PIGU: variants seen among roughly 807,000 people sequenced by gnomAD.
PIGU encodes the protein phosphatidylinositol glycan anchor biosynthesis class U.
PIGU carries 24 observed loss-of-function variants against 49.9 expected under a neutral mutation model. The ratio of observed to expected loss-of-function variants is 0.48; its 90% CI spans 0.35 to 0.68. The LOEUF is 0.68. Among genes scored for constraint, PIGU ranks in the 30% least tolerant of loss-of-function variants. PIGU has a pLI of 0.01. For synonymous variants in PIGU, 220 were observed against 205.7 expected (o/e 1.07, Z -0.59); for missense variants, 490 against 532.6 (o/e 0.92, Z 0.79).
At chr20:34,588,634 C>T in intron 7 of PIGU, 27 bp from the exon 8 acceptor site, 1 of 1,601,670 alleles carries the variant, frequency 6.2e-7, no homozygotes, top group South Asian at 1.1e-5. Flanking sequence ...GTGATATAAA[C>T]TTAGGGATGT....
At chr20:34,583,203 A>G (rs1041616548) in intron 9 of PIGU, among the ~76,000 whole-genome samples, 1 of 152,262 alleles carries the variant, frequency 6.6e-6, no homozygotes, top group South Asian at 2.1e-4. Flanking sequence ...GCCTCTAAGA[A>G]GCGTCCAGCT....
chr20:34,608,415 G>A (rs1984695494), intron 7 of PIGU, among the ~76,000 whole-genome samples: 1 of 152,172 alleles, frequency 6.6e-6, no homozygotes, highest in African/African-American at 2.4e-5. Flanking sequence ...ATTACTTGTT[G>A]TCATTCTTTT....
chr20:34,650,425 C>CA (rs1447308801), intron 2 of PIGU, among the ~76,000 whole-genome samples: 1 of 151,630 alleles, frequency 6.6e-6, no homozygotes, highest in Non-Finnish European at 1.5e-5. Context: ...CACACACCAC[C>CA]ACACCCAGCT....
chr20:34,589,868 C>G (rs1472919055), intron 7 of PIGU, among the ~76,000 whole-genome samples: 3 of 151,364 alleles, frequency 2.0e-5, no homozygotes, highest in African/African-American at 7.3e-5. Context: ...GTTGGCCAGG[C>G]TGGTCTCAAA....
In PIGU at chr20:34,588,243, C is replaced by T. The variant is rs180824213; in HGVS notation, c.782+210G>A. 5.7e-4 allele frequency among the ~76,000 whole-genome samples: 86 copies of T among 152,018 alleles called. 1 individual carries two copies. The East Asian group carries it at 0.016, about 28-fold the overall frequency. On this transcript the variant is annotated intron_variant, in intron 8 of 11. Transcript: ENST00000217446. ...CTCCAGACTGGGCAACAGAGCGACA[C>T]CCTGTCTCAAAAAAAAAAGAAAAAA...
Position 34,585,433 on chromosome 20 carries a change from T to C in PIGU, c.926+4A>G. On this transcript the variant is annotated splice_donor_region_variant and intron_variant, in intron 9 of 11. Coordinates refer to ENST00000217446, the MANE Select transcript of PIGU (RefSeq NM_080476.5). Reference sequence around the variant, plus strand: ...ACACAGCAGCAGCAGGTCCAGCCACTTACTTTAGCTTTATGGCTAAGGGGA... The same window carrying C: ...ACACAGCAGCAGCAGGTCCAGCCACCTACTTTAGCTTTATGGCTAAGGGGA... 1 of 1,614,050 alleles carries C rather than the reference T, an allele frequency of 6.2e-7. No individual in the cohort carries two copies. The highest frequency in any genetic ancestry group is 8.5e-7 in the Non-Finnish European group (1 of 1,179,892).
At chr20:34,614,542 T>C (rs1452521261) in intron 7 of PIGU, among the ~76,000 whole-genome samples, 2 of 151,286 alleles carry the variant, frequency 1.3e-5, no homozygotes, top group Non-Finnish European at 2.9e-5. Context: ...AGACGATCGA[T>C]TGAGCCTGGG....
At chr20:34,588,161 G>C (rs1319647161) in intron 8 of PIGU, among the ~76,000 whole-genome samples, 7 of 151,962 alleles carry the variant, frequency 4.6e-5, no homozygotes, top group Non-Finnish European at 4.4e-5. Flanking sequence ...CTGAGGCAGG[G>C]GAATCACTTG....
intron 11 of PIGU, among the ~76,000 whole-genome samples, chr20:34,572,037 C>T (rs370948254): frequency 1.7e-4 from 26 of 152,226 alleles, no homozygotes; most frequent in African/African-American, 6.0e-4. Context: ...TGAAGGGCAG[C>T]TTGGAAATAC....
At chr20:34,577,468 C>T (rs1983282911) in intron 10 of PIGU, among the ~76,000 whole-genome samples, 1 of 152,200 alleles carries the variant, frequency 6.6e-6, no homozygotes, top group Non-Finnish European at 1.5e-5. Flanking sequence ...GTAATCCCAG[C>T]ACTTTGGGAG....
intron 7 of PIGU, among the ~76,000 whole-genome samples, chr20:34,595,285 T>C (rs1319330835): frequency 6.6e-6 from 1 of 152,162 alleles, no homozygotes; most frequent in African/African-American, 2.4e-5. Context: ...AAATTGTGTC[T>C]GTACTGAACA....
intron 7 of PIGU, among the ~76,000 whole-genome samples, chr20:34,602,512 G>A (rs1234049140): frequency 6.6e-6 from 1 of 151,846 alleles, no homozygotes; most frequent in Non-Finnish European, 1.5e-5. Flanking sequence ...CAGGAAAATC[G>A]CTTTAACCTG....
intron 6 of PIGU, among the ~76,000 whole-genome samples, chr20:34,622,862 T>C (rs1164597548): frequency 6.6e-6 from 1 of 152,330 alleles, no homozygotes; most frequent in Admixed American, 6.5e-5. Context: ...ATCAGTCAAA[T>C]GTGTATGTAC....
At chr20:34,632,942 A>T (rs1284960834) in intron 6 of PIGU, among the ~76,000 whole-genome samples, 2 of 152,052 alleles carry the variant, frequency 1.3e-5, no homozygotes, top group Admixed American at 1.3e-4. Flanking sequence ...AAAAAAGAAC[A>T]TTGTTAGGTA....
chr20:34,563,177 G>A (rs1404146355), intron 11 of PIGU, among the ~76,000 whole-genome samples: 1 of 152,138 alleles, frequency 6.6e-6, no homozygotes, highest in East Asian at 1.9e-4. Context: ...ATGTTATTTA[G>A]AAGTACCAAC....
intron 1 of PIGU, among the ~76,000 whole-genome samples, chr20:34,673,253 CAAA>C (rs71282179): frequency 2.3e-5 from 2 of 88,814 alleles, no homozygotes; most frequent in African/African-American, 4.5e-5. Context: ...GACTCCGTCT[CAAA>C]AAAAAAAAAA....
Position 34,645,302 on chromosome 20 carries a change from T to C in PIGU, c.228A>G (p.Leu76=), listed in dbSNP as rs767945533. 1.3e-6 allele frequency: 2 copies of C among 1,580,942 alleles called. No homozygotes were observed. The highest frequency in any genetic ancestry group is 2.4e-5 in the South Asian group (2 of 85,020). ...TPLIIYLFHF[L]IDYAELVFMI... ...TAAACACCAATTCAGCATAGTCAAT[T>C]AGGAAATGAAAGAGGTATATTATTA... The change falls in exon 3 of 12, where the codon CTA becomes CTG. Residue 76 remains leucine (L), a synonymous_variant. Transcript: ENST00000217446.
intron 1 of PIGU, among the ~76,000 whole-genome samples, chr20:34,664,135 T>G (rs1485740870): frequency 1.3e-5 from 2 of 152,212 alleles, no homozygotes; most frequent in Non-Finnish European, 2.9e-5. Context: ...AGGGTCAGAC[T>G]ATGTAAAACA....
intron 7 of PIGU, among the ~76,000 whole-genome samples, chr20:34,600,193 G>A (rs1314901752): frequency 2.0e-5 from 3 of 152,142 alleles, no homozygotes; most frequent in Non-Finnish European, 4.4e-5. Flanking sequence ...GGTCACTTGA[G>A]GTCAGAAGTT....
Sources: gnomAD v4.1 joint callset for allele counts (sites outside exome capture counted in the v4.1 genomes callset) on GRCh38, gnomAD v4.1.1 for gene constraint, MANE v1.5 for transcripts, NCBI Gene and HGNC (gene_info 2026-07-23, HGNC 2026-07-21) for gene names.